DACH1: variants seen among roughly 807,000 people sequenced by gnomAD.
The protein encoded by DACH1 is dachshund family transcription factor 1.
DACH1 carries 12 observed loss-of-function variants against 54.2 expected under a neutral mutation model. The observed-to-expected ratio is 0.22, with a 90% CI of 0.14 to 0.36. The LOEUF is 0.36. DACH1 is among the 10% of genes least tolerant of loss of function. The pLI, the probability that DACH1 is intolerant of heterozygous loss-of-function variation, is 1.00. For synonymous variants in DACH1, 386 were observed against 366.2 expected (o/e 1.05, Z -0.62); for missense variants, 805 against 929.8 (o/e 0.87, Z 1.75).
chr13:71,780,120 A>T (rs952394655), intron 1 of DACH1, among the ~76,000 whole-genome samples: 4 of 152,172 alleles, frequency 2.6e-5, no homozygotes, highest in Non-Finnish European at 4.4e-5. Context: ...GGTAAAGATC[A>T]ATAGAGATTT....
chr13:71,598,699 C>A (rs894953242), intron 3 of DACH1, among the ~76,000 whole-genome samples: 3 of 152,128 alleles, frequency 2.0e-5, no homozygotes, highest in Non-Finnish European at 4.4e-5. Flanking sequence ...CTATTTAAAC[C>A]ACTCTGTATT....
At chr13:71,699,652 T>A (rs1382965567) in intron 1 of DACH1, among the ~76,000 whole-genome samples, 1 of 152,230 alleles carries the variant, frequency 6.6e-6, no homozygotes, top group East Asian at 1.9e-4. Flanking sequence ...GAATGGAGAA[T>A]CTTGCTGGAC....
chr13:71,491,810 T>C (rs576756218), intron 6 of DACH1, among the ~76,000 whole-genome samples: 2 of 152,294 alleles, frequency 1.3e-5, no homozygotes, highest in East Asian at 3.9e-4. Flanking sequence ...ATTGGGACCA[T>C]GGTTCCACCT....
At chr13:71,858,765 T>C (rs901238483) in intron 1 of DACH1, among the ~76,000 whole-genome samples, 1 of 151,674 alleles carries the variant, frequency 6.6e-6, no homozygotes, top group Admixed American at 6.6e-5. Flanking sequence ...TGTCTTTCTG[T>C]GCCTGGCTTA....
intron 3 of DACH1, among the ~76,000 whole-genome samples, chr13:71,589,077 C>T (rs555578536): frequency 3.9e-5 from 6 of 151,936 alleles, no homozygotes; most frequent in Admixed American, 6.6e-5. Flanking sequence ...TGCACTCATA[C>T]GAACCACTAA....
intron 4 of DACH1, among the ~76,000 whole-genome samples, chr13:71,564,399 T>C (rs1419352501): frequency 6.6e-6 from 1 of 151,088 alleles, no homozygotes; most frequent in Non-Finnish European, 1.5e-5. Flanking sequence ...TAAAACACAA[T>C]CTTTTGCAAT....
At chr13:71,622,600 G>C (rs189105668) in intron 3 of DACH1, among the ~76,000 whole-genome samples, 2 of 151,656 alleles carry the variant, frequency 1.3e-5, no homozygotes, top group Non-Finnish European at 2.9e-5. Context: ...CAAACTTTAC[G>C]TAAACAGTAT....
intron 4 of DACH1, among the ~76,000 whole-genome samples, chr13:71,567,029 T>C (rs1484693121): frequency 2.6e-5 from 4 of 152,134 alleles, no homozygotes; most frequent in Admixed American, 6.5e-5. Context: ...TAACATCCTG[T>C]TTCCTAATAC....
chr13:71,548,284 A>G lies in DACH1; in HGVS notation c.1570+8740T>C, dbSNP rs1883587699. Among the ~76,000 whole-genome samples the G allele has an allele frequency of 2.6e-5, 4 of 152,306 alleles. No individual in the cohort carries two copies. The South Asian group carries it at 8.3e-4, about 32-fold the overall frequency. On this transcript the variant is annotated intron_variant, in intron 6 of 10. Coordinates refer to ENST00000613252, the MANE Select transcript of DACH1 (RefSeq NM_080759.6). ...TGGCAGTTTATATCTCAGGTTAGAA[A>G]CTTCAAAACTATTAGGTCAAAATAT... is the stretch of plus-strand genomic sequence containing the variant.
At chr13:71,835,722 A>G (rs1888757738) in intron 1 of DACH1, among the ~76,000 whole-genome samples, 1 of 152,084 alleles carries the variant, frequency 6.6e-6, no homozygotes, top group Non-Finnish European at 1.5e-5. Context: ...AGTTCGGCTA[A>G]TTAATTTTAT....
intron 6 of DACH1, among the ~76,000 whole-genome samples, chr13:71,521,945 C>T (rs578201108): frequency 2.0e-5 from 3 of 152,226 alleles, no homozygotes; most frequent in Admixed American, 6.5e-5. Flanking sequence ...ATTTTCTCTT[C>T]ACTTCAAAAG....
chr13:71,724,934 A>G (rs1286632253), intron 1 of DACH1, among the ~76,000 whole-genome samples: 1 of 152,116 alleles, frequency 6.6e-6, no homozygotes, highest in African/African-American at 2.4e-5. Context: ...AACTAACTAT[A>G]ACTTTTGGGT....
In DACH1 at chr13:71,489,074, G is replaced by A; in HGVS notation, c.1645C>T (p.Leu549=). ...AAAGGAGATGGAAAACCTGGAGGCA[G>A]TGGTTGTCCATGCCCAGTTAGAGAG... ...KLSLTGHGQP[L]PPGFPSPFLF... The change falls in exon 7 of 11, where the codon CTG becomes TTG. Residue 549 remains leucine, a synonymous_variant. Coordinates refer to ENST00000613252, the MANE Select transcript of DACH1 (RefSeq NM_080759.6). 6.2e-7 allele frequency: 1 copy of A among 1,613,906 alleles called. No homozygotes were observed. Among genetic ancestry groups the A allele is most frequent in the Non-Finnish European group, 8.5e-7 (1 of 1,179,846 alleles).
intron 2 of DACH1, among the ~76,000 whole-genome samples, chr13:71,673,729 T>G (rs1880361778): frequency 6.6e-6 from 1 of 152,268 alleles, no homozygotes; most frequent in Admixed American, 6.5e-5. Flanking sequence ...CGGCACGTTC[T>G]GCACATGTAC....
intron 10 of DACH1, among the ~76,000 whole-genome samples, chr13:71,455,389 C>A (rs1875473684): frequency 6.6e-6 from 1 of 151,486 alleles, no homozygotes; most frequent in Non-Finnish European, 1.5e-5. Flanking sequence ...TATATGTGTA[C>A]CTATATATAT....
At chr13:71,591,277 C>T (rs1015086500) in intron 3 of DACH1, among the ~76,000 whole-genome samples, 2 of 152,048 alleles carry the variant, frequency 1.3e-5, no homozygotes, top group African/African-American at 4.8e-5. Flanking sequence ...ATACAACTCA[C>T]TGTAAATACA....
At chr13:71,628,492 G>A (rs1417534767) in intron 3 of DACH1, among the ~76,000 whole-genome samples, 1 of 152,006 alleles carries the variant, frequency 6.6e-6, no homozygotes, top group Non-Finnish European at 1.5e-5. Flanking sequence ...CCGATATTAT[G>A]TTAGCACAAT....
rs537008535 is a variant in DACH1 at position 71,837,506 on chromosome 13, G to A, written c.848+28416C>T. Among the ~76,000 whole-genome samples, 23 of 152,160 alleles carry A rather than the reference G, an allele frequency of 1.5e-4. No individual in the cohort carries two copies. In the East Asian group the frequency reaches 3.9e-3, roughly 26 times the overall value. ...TCCTATTTATCACCGCTTCTCCACTGTAGGTAGAAGGTATAGATAGTCAAC... is the reference window on the plus strand; with the variant it reads ...TCCTATTTATCACCGCTTCTCCACTATAGGTAGAAGGTATAGATAGTCAAC... On this transcript the variant is annotated intron_variant, in intron 1 of 10. Coordinates refer to ENST00000613252, the MANE Select transcript of DACH1 (RefSeq NM_080759.6).
At chr13:71,823,568 T>C (rs1680101597) in intron 1 of DACH1, among the ~76,000 whole-genome samples, 1 of 152,070 alleles carries the variant, frequency 6.6e-6, no homozygotes, top group African/African-American at 2.4e-5. Flanking sequence ...ATCTAAAATA[T>C]GGAACAGGCG....
Sources: allele counts gnomAD v4.1 joint callset (sites outside exome capture counted in the v4.1 genomes callset), GRCh38; gene constraint gnomAD v4.1.1; transcripts MANE v1.5; gene names NCBI Gene and HGNC (gene_info 2026-07-23, HGNC 2026-07-21).